RGS22: variants seen among roughly 807,000 people sequenced by gnomAD.
RGS22 encodes the protein regulator of G protein signaling 22, also known as regulator of G-protein signaling 22.
RGS22 carries 148 observed loss-of-function variants against 172.9 expected under a neutral mutation model. The ratio of observed to expected loss-of-function variants is 0.86; its 90% CI spans 0.75 to 0.98. The LOEUF is 0.98. RGS22 is among the 50% of genes least tolerant of loss of function. The pLI, the probability that RGS22 is intolerant of heterozygous loss-of-function variation, is 0.00. For missense variants in RGS22, 1,347 were observed against 1,440.8 expected, an observed-to-expected ratio of 0.93 and a Z score of 1.05; for synonymous variants, 458 against 480.2, an observed-to-expected ratio of 0.95 and a Z score of 0.60.
chr8:99,962,393 C>T lies in RGS22; in HGVS notation c.*45+1G>A. ...CAACCAACATTCAGACTATGACGTA[C>T]CTTGAACCTATCAGCAGCAGGATGT... On this transcript the variant is annotated splice_donor_variant, in intron 27 of 27. Coordinates refer to ENST00000360863, the MANE Select transcript of RGS22 (RefSeq NM_015668.5). LOFTEE classifies it low-confidence loss of function (3UTR_SPLICE). 1 of 1,608,036 alleles carries T rather than the reference C, an allele frequency of 6.2e-7. No individual in the cohort carries two copies. The highest frequency in any genetic ancestry group is 8.5e-7 in the Non-Finnish European group (1 of 1,174,628).
intron 15 of RGS22, among the ~76,000 whole-genome samples, chr8:100,007,736 T>C (rs1313992476): frequency 6.8e-6 from 1 of 147,184 alleles, no homozygotes; most frequent in African/African-American, 2.5e-5. Context: ...GAGCAAAAAA[T>C]GACATAAAGT....
Position 99,976,510 on chromosome 8 carries a change from T to C in RGS22, c.3519+1407A>G, listed in dbSNP as rs548241613. Reference sequence around the variant, plus strand: ...CCAAGTAGCTGGGACTACAGGCACCTGCCACCACGCCCGGCTAATTTTTTG... The same window carrying C: ...CCAAGTAGCTGGGACTACAGGCACCCGCCACCACGCCCGGCTAATTTTTTG... On this transcript the variant is annotated intron_variant, in intron 23 of 27. Transcript: ENST00000360863. Among the ~76,000 whole-genome samples, 90 of 152,044 alleles carry C rather than the reference T, an allele frequency of 5.9e-4. 1 individual carries two copies. In the East Asian group the frequency reaches 0.013, roughly 22 times the overall value.
In RGS22 at chr8:99,999,301, A is replaced by C; in HGVS notation, c.2910T>G (p.Phe970Leu). 1 of 1,613,990 alleles carries C rather than the reference A, an allele frequency of 6.2e-7. No individual in the cohort carries two copies. The highest frequency in any genetic ancestry group is 8.5e-7 in the Non-Finnish European group (1 of 1,179,946). ...GTGCTGCAAACTGTTCACTTGCAAG[A>C]AACAATGGCAGCCATACATTTTCTA... ...NRLENVWLPL[F>L]LASEQFAARQ... The change falls in exon 19 of 28, where the codon TTT becomes TTG. Residue 970 changes from phenylalanine (F) to leucine (L), a missense_variant. Phe to Leu is a conservative substitution (Grantham distance 22, BLOSUM62 0). Transcript: ENST00000360863.
intron 14 of RGS22, among the ~76,000 whole-genome samples, chr8:100,014,622 T>C (rs1816758002): frequency 6.6e-6 from 1 of 152,196 alleles, no homozygotes; most frequent in Non-Finnish European, 1.5e-5. Context: ...TTTCTCTTGA[T>C]TCTATGCCAA....
chr8:100,001,219 T>TATATATACACAC (rs1402594104), intron 18 of RGS22, among the ~76,000 whole-genome samples: 3 of 132,966 alleles, frequency 2.3e-5, no homozygotes, highest in African/African-American at 8.5e-5. Flanking sequence ...TATATATATA[T>TATATATACACAC]ACATATATAT....
chr8:99,965,188 A>G, intron 24 of RGS22, 147 bp downstream of exon 24: 1 of 447,534 alleles, frequency 2.2e-6, no homozygotes, highest in Non-Finnish European at 4.0e-6. Flanking sequence ...GGCTCAAAGA[A>G]ACTCCCTTCA....
intron 14 of RGS22, among the ~76,000 whole-genome samples, chr8:100,026,411 A>C (rs1405160881): frequency 6.6e-6 from 1 of 152,214 alleles, no homozygotes; most frequent in Non-Finnish European, 1.5e-5. Flanking sequence ...ATCTGGTGAC[A>C]TTTACTGACT....
intron 18 of RGS22, among the ~76,000 whole-genome samples, chr8:100,001,204 A>ATATATATATG (rs1554611127): frequency 7.5e-6 from 1 of 133,446 alleles, no homozygotes; most frequent in African/African-American, 2.8e-5. Context: ...CCAATTTTTT[A>ATATATATATG]TATATATATA....
chr8:100,084,185 C>T lies in RGS22; in HGVS notation c.118-3830G>A, dbSNP rs116960073. 4.2e-3 allele frequency among the ~76,000 whole-genome samples: 635 copies of T among 152,260 alleles called. 3 individuals are homozygous for T. Among genetic ancestry groups the T allele is most frequent in the Non-Finnish European group, 6.6e-3 (448 of 68,028 alleles). ...TGTGGATGCTGTGGACTGGCTCACT[C>T]AGAATCCATTCCAACCTCCTAAAAT... On this transcript the variant is annotated intron_variant, in intron 3 of 27. Transcript: ENST00000360863.
chr8:100,074,044 T>C (rs1254460181), intron 4 of RGS22, among the ~76,000 whole-genome samples: 2 of 152,128 alleles, frequency 1.3e-5, no homozygotes, highest in Non-Finnish European at 2.9e-5. Context: ...CTATCTAAGG[T>C]GAAATTATTT....
rs780650777 is a variant in RGS22, at chr8:100,066,121, A to C, written c.724+46T>G. 3.2e-6 allele frequency: 5 copies of C among 1,579,774 alleles called. No homozygotes were observed. In the Admixed American group the frequency reaches 7.0e-5, roughly 22 times the overall value. ...TGTAAAATTAGAACAAACAAACAAA[A>C]ACTTAAAGAGAAGTTCTGAAGTCAT... On this transcript the variant is annotated intron_variant, in intron 7 of 27. Transcript: ENST00000360863.
intron 20 of RGS22, among the ~76,000 whole-genome samples, chr8:99,994,687 C>T (rs373835473): frequency 2.6e-5 from 4 of 152,210 alleles, no homozygotes; most frequent in East Asian, 3.9e-4. Flanking sequence ...GGCCATACTG[C>T]CCAAAGTAAT....
At chr8:100,103,540 G>A (rs370987885) in intron 2 of RGS22, among the ~76,000 whole-genome samples, 28 of 152,242 alleles carry the variant, frequency 1.8e-4, no homozygotes, top group Middle Eastern at 6.8e-3. Flanking sequence ...CTGTTGACAC[G>A]GACATTCAGA....
intron 7 of RGS22, among the ~76,000 whole-genome samples, chr8:100,065,146 A>G (rs1226350899): frequency 2.0e-5 from 3 of 152,238 alleles, no homozygotes; most frequent in Admixed American, 2.0e-4. Flanking sequence ...TCAAATCTCA[A>G]TGAACTGGAA....
chr8:100,004,121 C>A, intron 16 of RGS22, 23 bp from the exon 17 acceptor site: 1 of 1,555,278 alleles, frequency 6.4e-7, no homozygotes, highest in Non-Finnish European at 8.7e-7. Flanking sequence ...TACTTTTCAG[C>A]AAAAATCTCT....
chr8:100,091,472 TA>T (rs1812580235), intron 3 of RGS22, among the ~76,000 whole-genome samples: 1 of 152,104 alleles, frequency 6.6e-6, no homozygotes, highest in Admixed American at 6.6e-5. Flanking sequence ...TCCTGTCACC[TA>T]AAGTCTGAAA....
intron 14 of RGS22, among the ~76,000 whole-genome samples, chr8:100,026,036 G>A (rs903472466): frequency 4.6e-5 from 7 of 151,530 alleles, no homozygotes; most frequent in Non-Finnish European, 8.8e-5. Flanking sequence ...GTAGGTGTTT[G>A]GTAAATGTTT....
At position 99,962,376 on chromosome 8, in the gene RGS22, A is replaced by T; in HGVS notation, c.*45+18T>A. 6.4e-7 allele frequency: 1 copy of T among 1,571,576 alleles called. No homozygotes were observed. On this transcript the variant is annotated intron_variant, in intron 27 of 27. Coordinates refer to ENST00000360863, the MANE Select transcript of RGS22 (RefSeq NM_015668.5). ...GAGGACATGTGTGGGACCAACCAAC[A>T]TTCAGACTATGACGTACCTTGAACC...
At position 99,987,530 on chromosome 8, in the gene RGS22, T is replaced by G; in HGVS notation, c.3108A>C (p.Gln1036His). The change falls in exon 21 of 28, where the codon CAA (glutamine) becomes CAC (histidine). Residue 1036 changes from glutamine (Q) to histidine (H), a missense_variant. By Grantham distance (24) the Gln-to-His change is conservative. Transcript: ENST00000360863. ...AATCTCCTTTTAGAGCCACAAAACG[T>G]TGAAATTGTCTTGAAGTAACTGGAT... is the stretch of plus-strand genomic sequence containing the variant. ...LLNPVTSRQFQRFVALKGDLL... is the reference protein window; with the variant it reads ...LLNPVTSRQFHRFVALKGDLL... The G allele has an allele frequency of 1.9e-6, 3 of 1,611,964 alleles. No individual in the cohort carries two copies. Among genetic ancestry groups the G allele is most frequent in the Non-Finnish European group, 2.5e-6 (3 of 1,178,928 alleles).
Sources: allele counts gnomAD v4.1 joint callset (sites outside exome capture counted in the v4.1 genomes callset), GRCh38; gene constraint gnomAD v4.1.1; transcripts MANE v1.5; gene names NCBI Gene and HGNC (gene_info 2026-07-23, HGNC 2026-07-21).